MTUS1: variants seen among roughly 807,000 people sequenced by gnomAD.
MTUS1 encodes the protein microtubule associated scaffold protein 1.
A neutral mutation model predicts 120.8 loss-of-function variants in MTUS1; 109 were observed. The ratio of observed to expected loss-of-function variants is 0.90; its 90% CI spans 0.77 to 1.06. The LOEUF (loss-of-function observed/expected upper bound fraction) is 1.06. Among genes scored for constraint, MTUS1 ranks in the 50% least tolerant of loss-of-function variants. MTUS1 has a pLI of 0.00. For missense variants in MTUS1, 2,210 were observed against 1,486.3 expected, an observed-to-expected ratio of 1.49 and a Z score of -8.01; for synonymous variants, 737 against 550.5, an observed-to-expected ratio of 1.34 and a Z score of -4.74.
chr8:17,746,770 G>A (rs1396110940), intron 2 of MTUS1, among the ~76,000 whole-genome samples: 1 of 152,172 alleles, frequency 6.6e-6, no homozygotes, highest in African/African-American at 2.4e-5. Flanking sequence ...TAAATTCTAA[G>A]TATATGTATC....
intron 2 of MTUS1, among the ~76,000 whole-genome samples, chr8:17,750,867 C>T (rs1010080944): frequency 3.3e-5 from 5 of 152,146 alleles, no homozygotes; most frequent in East Asian, 1.9e-4. Flanking sequence ...CATCTAGCCC[C>T]GTTTCAAATA....
chr8:17,704,824 G>A (rs1192133945), intron 6 of MTUS1, among the ~76,000 whole-genome samples: 3 of 152,018 alleles, frequency 2.0e-5, no homozygotes, highest in Non-Finnish European at 4.4e-5. Flanking sequence ...TTTTGATAGG[G>A]ATTGCACTGA....
intron 6 of MTUS1, among the ~76,000 whole-genome samples, chr8:17,699,983 CA>C (rs1378251046): frequency 6.6e-6 from 1 of 152,080 alleles, no homozygotes; most frequent in Non-Finnish European, 1.5e-5. Context: ...CATCTGTTAC[CA>C]GTTAGGAACT....
chr8:17,777,885 A>G (rs1197265293), intron 1 of MTUS1, among the ~76,000 whole-genome samples: 2 of 151,310 alleles, frequency 1.3e-5, no homozygotes, highest in Non-Finnish European at 2.9e-5. Flanking sequence ...AGAAAACCAC[A>G]GTACAGTGAT....
chr8:17,715,987 C>A, intron 4 of MTUS1, 86 bp from the exon 5 acceptor site: 2 of 1,272,398 alleles, frequency 1.6e-6, no homozygotes, highest in Non-Finnish European at 2.2e-6. Flanking sequence ...CTTGAACCAA[C>A]AAATGCTCAA....
chr8:17,701,777 C>T (rs1393547203), intron 6 of MTUS1, among the ~76,000 whole-genome samples: 1 of 152,170 alleles, frequency 6.6e-6, no homozygotes, highest in Non-Finnish European at 1.5e-5. Context: ...TCTCAATCTC[C>T]TGACCTTGTG....
At chr8:17,716,796 T>G (rs774078728) in intron 4 of MTUS1, among the ~76,000 whole-genome samples, 20 of 152,310 alleles carry the variant, frequency 1.3e-4, no homozygotes, top group Non-Finnish European at 1.5e-4. Context: ...CCTCGTGATC[T>G]GCCCGCCTCA....
At chr8:17,753,651 G>A in intron 2 of MTUS1, 66 bp downstream of exon 2, 6 of 1,074,830 alleles carry the variant, frequency 5.6e-6, no homozygotes, top group Admixed American at 5.2e-5. Flanking sequence ...ATAACTAAAT[G>A]CTAACACATC....
At chr8:17,790,745 G>A (rs1482591671) in intron 1 of MTUS1, among the ~76,000 whole-genome samples, 3 of 152,148 alleles carry the variant, frequency 2.0e-5, no homozygotes, top group South Asian at 2.1e-4. Flanking sequence ...CCAGCACTTC[G>A]GGAGGCCAAG....
At chr8:17,731,605 G>T (rs1431719003) in intron 3 of MTUS1, among the ~76,000 whole-genome samples, 1 of 151,564 alleles carries the variant, frequency 6.6e-6, no homozygotes, top group Non-Finnish European at 1.5e-5. Flanking sequence ...AAAAACACAG[G>T]AAAAGTTAAA....
rs1369070569 is a variant in MTUS1 at position 17,679,209 on chromosome 8, CACACA to C, written c.2839-3962_2839-3958del. On this transcript the variant is annotated intron_variant, in intron 7 of 14. Transcript: ENST00000693296. ...AACAAAAAATATATATACACACACA[CACACA>C]AATACCTATATATTATACATATATA... Among the ~76,000 whole-genome samples, 18 of 58,362 alleles carry C rather than the reference CACACA, an allele frequency of 3.1e-4. No homozygotes were observed. In the East Asian group the frequency reaches 0.014, roughly 45 times the overall value. 38.3% of individuals were successfully genotyped at this position (58,362 alleles called of 152,430 possible). A position where few individuals can be genotyped will look rare whatever the true frequency, so the allele number is the denominator to read the frequency against.
At chr8:17,735,786 G>A (rs1431602608) in intron 3 of MTUS1, among the ~76,000 whole-genome samples, 1 of 152,246 alleles carries the variant, frequency 6.6e-6, no homozygotes, top group Non-Finnish European at 1.5e-5. Context: ...TGTGCAACCA[G>A]TACACTGTGC....
intron 8 of MTUS1, among the ~76,000 whole-genome samples, chr8:17,671,445 C>G (rs962019962): frequency 6.6e-6 from 1 of 152,122 alleles, no homozygotes; most frequent in East Asian, 1.9e-4. Flanking sequence ...AAGACATCAA[C>G]GTAGAGTATC....
At chr8:17,752,764 G>C (rs2048298390) in intron 2 of MTUS1, among the ~76,000 whole-genome samples, 1 of 152,050 alleles carries the variant, frequency 6.6e-6, no homozygotes, top group Non-Finnish European at 1.5e-5. Context: ...TTCTCCGCTG[G>C]CACTTAGCTC....
intron 3 of MTUS1, among the ~76,000 whole-genome samples, chr8:17,726,979 T>C (rs2046266882): frequency 6.6e-6 from 1 of 152,146 alleles, no homozygotes; most frequent in African/African-American, 2.4e-5. Context: ...CATTTCTGAG[T>C]GTGCCTGGGA....
chr8:17,765,773 A>G (rs1164327700), intron 1 of MTUS1, among the ~76,000 whole-genome samples: 3 of 151,606 alleles, frequency 2.0e-5, no homozygotes, highest in Non-Finnish European at 4.4e-5. Context: ...TTTCAGAGAC[A>G]GGTCAACTCA....
Position 17,655,948 on chromosome 8 carries a change from T to C in MTUS1, c.3023A>G (p.Lys1008Arg). 6.2e-7 allele frequency: 1 copy of C among 1,614,238 alleles called. No homozygotes were observed. Among genetic ancestry groups the C allele is most frequent in the Non-Finnish European group, 8.5e-7 (1 of 1,180,034 alleles). The change falls in exon 9 of 15, where the codon AAA becomes AGA. Residue 1008 changes from lysine (K) to arginine (R), a missense_variant. Transcript: ENST00000693296. ...TTCATACTCCCTGGTGTAAAACTCT[T>C]TAAGCCGATTCTCTCGTTCTGTTTT... ...AEKTERENRL[K>R]EFYTREYEKL...
chr8:17,679,180 C>T (rs950565781), intron 7 of MTUS1, among the ~76,000 whole-genome samples: 1 of 145,318 alleles, frequency 6.9e-6, no homozygotes, highest in Non-Finnish European at 1.5e-5. Flanking sequence ...AAAAGGTTAG[C>T]AATAACAAAA....
At chr8:17,742,278 TTTTG>T (rs1392407965) in intron 3 of MTUS1, among the ~76,000 whole-genome samples, 11 of 126,048 alleles carry the variant, frequency 8.7e-5, no homozygotes, top group African/African-American at 9.9e-5. Context: ...TGTTTTTTTT[TTTTG>T]TTGTTGTTGT....
Sources: allele counts gnomAD v4.1 joint callset (sites outside exome capture counted in the v4.1 genomes callset), GRCh38; gene constraint gnomAD v4.1.1; transcripts MANE v1.5; gene names NCBI Gene and HGNC (gene_info 2026-07-23, HGNC 2026-07-21).